The following GLOD5 variants were observed in gnomAD, a reference collection of about 807,000 sequenced individuals.
GLOD5 encodes glyoxalase domain-containing protein 5.
Under a neutral mutation model 9.9 loss-of-function variants are expected in GLOD5, and 7 were observed. That is an observed-to-expected ratio of 0.71 (90% confidence interval 0.40 to 1.33). The LOEUF is 1.33. GLOD5 is among the 40% of genes most tolerant of loss of function. The pLI, the probability that GLOD5 is intolerant of heterozygous loss-of-function variation, is 0.01. For synonymous variants in GLOD5, 49 were observed against 47.3 expected (o/e 1.04, Z -0.14); for missense variants, 146 against 128.4 (o/e 1.14, Z -0.66).
At chrX:48,761,999 C>A (rs2062597517) in intron 1 of GLOD5, 146 bp downstream of exon 1, 1 of 494,480 alleles carries the variant, frequency 2.0e-6, no homozygotes, top group East Asian at 3.7e-5. Context: ...GCAGCAGAGG[C>A]CCATGGAAAG....
intron 1 of GLOD5, among the ~76,000 whole-genome samples, chrX:48,763,668 G>A (rs1602205092): frequency 8.9e-6 from 1 of 111,943 alleles, no homozygotes; most frequent in African/African-American, 3.2e-5. Context: ...GCTCCAGGCT[G>A]GGCAACAAAG....
intron 3 of GLOD5, among the ~76,000 whole-genome samples, chrX:48,771,746 C>A (rs1274557968): frequency 8.9e-6 from 1 of 112,064 alleles, no homozygotes; most frequent in Non-Finnish European, 1.9e-5. Flanking sequence ...AGATTCTAGC[C>A]ACTTCCGTTC....
intron 2 of GLOD5, among the ~76,000 whole-genome samples, chrX:48,770,561 C>A (rs1450596187): frequency 9.0e-6 from 1 of 111,240 alleles, no homozygotes; most frequent in African/African-American, 3.3e-5. Flanking sequence ...GTCCAGCTAA[C>A]GTGGCCTCCG....
intron 3 of GLOD5, among the ~76,000 whole-genome samples, chrX:48,772,589 T>C (rs1557017542): frequency 9.0e-6 from 1 of 110,813 alleles, no homozygotes; most frequent in Non-Finnish European, 1.9e-5. Context: ...AGAACACGGA[T>C]TGAGGTCTTA....
At chrX:48,765,668 C>A in intron 1 of GLOD5, 167 bp from the exon 2 acceptor site, 1 of 543,873 alleles carries the variant, frequency 1.8e-6, no homozygotes, top group Non-Finnish European at 3.3e-6. Flanking sequence ...TGAATCCACA[C>A]ATGGGCAGTA....
chrX:48,762,003 T>A, intron 1 of GLOD5, 150 bp downstream of exon 1: 1 of 486,714 alleles, frequency 2.1e-6, no homozygotes, highest in Admixed American at 3.4e-5. Flanking sequence ...CAGAGGCCCA[T>A]GGAAAGGCCC....
At chrX:48,773,079 T>C (rs2062626621) in intron 3 of GLOD5, among the ~76,000 whole-genome samples, 1 of 109,420 alleles carries the variant, frequency 9.1e-6, no homozygotes, top group African/African-American at 3.3e-5. Flanking sequence ...CTATGAAAAA[T>C]AGCTGGGCAT....
chrX:48,772,296 GA>G (rs782283205), intron 3 of GLOD5, among the ~76,000 whole-genome samples: 54 of 110,882 alleles, frequency 4.9e-4, no homozygotes, highest in African/African-American at 1.6e-3. Flanking sequence ...AGTGCTTTAG[GA>G]GGCCAAGGAG....
chrX:48,765,891 C>T lies in GLOD5; in HGVS notation c.120C>T (p.His40=). The change falls in exon 2 of 4, where the codon CAC becomes CAT. Residue 40 remains histidine (H), a synonymous_variant. Coordinates refer to ENST00000303227, the MANE Select transcript of GLOD5 (RefSeq NM_001080489.3). ...PPPCLIRRLD[H]IVMTVKSIKD... is the part of the protein sequence containing the mutation. ...CATGTCTTATCCGTAGACTTGACCACATCGTGATGACGGTGAAGAGCATCA... is the reference window on the plus strand; with the variant it reads ...CATGTCTTATCCGTAGACTTGACCATATCGTGATGACGGTGAAGAGCATCA... 1.7e-6 allele frequency: 2 copies of T among 1,201,864 alleles called. No homozygotes were observed. The highest frequency in any genetic ancestry group is 2.3e-4 in the Middle Eastern group (1 of 4,327).
chrX:48,771,042 T>A lies in GLOD5; in HGVS notation c.317T>A (p.Ile106Asn). ...CCTGGCTCCCTGGACATATGTCTGA[T>A]CACAGAGGTGCCTTTGGAGGAAATG... ...PVPGSLDICLITEVPLEEMIQ... is the reference protein window; with the variant it reads ...PVPGSLDICLNTEVPLEEMIQ... Residue 106 changes from isoleucine to asparagine, a missense_variant, in exon 3 of 4, where the codon ATC becomes AAC. By Grantham distance (149) the Ile-to-Asn change is moderately radical. Transcript: ENST00000303227. 4 of 1,197,502 alleles carry A rather than the reference T, an allele frequency of 3.3e-6. No individual in the cohort carries two copies. The highest frequency in any genetic ancestry group is 4.5e-6 in the Non-Finnish European group (4 of 889,845).
At chrX:48,765,042 C>T (rs1266390300) in intron 1 of GLOD5, among the ~76,000 whole-genome samples, 1 of 110,894 alleles carries the variant, frequency 9.0e-6, no homozygotes, top group Non-Finnish European at 1.9e-5. Flanking sequence ...TCTGTAAACA[C>T]GCACGCCCAG....
At chrX:48,770,428 T>C (rs140963182) in intron 2 of GLOD5, among the ~76,000 whole-genome samples, 3,596 of 111,468 alleles carry the variant, frequency 0.032, 69 homozygotes, top group Middle Eastern at 0.088. Flanking sequence ...CAGAGGTAGT[T>C]AGTCAGGTCA....
At chrX:48,764,019 G>A (rs184059061) in intron 1 of GLOD5, among the ~76,000 whole-genome samples, 10 of 112,787 alleles carry the variant, frequency 8.9e-5, no homozygotes, top group Non-Finnish European at 1.9e-4. Flanking sequence ...CAATGGAATC[G>A]AATCGAACAG....
At chrX:48,772,124 C>G (rs1277477213) in intron 3 of GLOD5, among the ~76,000 whole-genome samples, 1 of 110,238 alleles carries the variant, frequency 9.1e-6, no homozygotes, top group Non-Finnish European at 1.9e-5. Flanking sequence ...GTAATCCTAG[C>G]TATTCAAGAG....
At chrX:48,771,974 C>T (rs61244100) in intron 3 of GLOD5, among the ~76,000 whole-genome samples, 1,287 of 111,646 alleles carry the variant, frequency 0.012, 23 homozygotes, top group African/African-American at 0.039. Context: ...CGGTCACTCA[C>T]GCCTGTAATC....
intron 2 of GLOD5, among the ~76,000 whole-genome samples, chrX:48,766,874 C>T (rs181601517): frequency 1.5e-4 from 15 of 99,504 alleles, no homozygotes; most frequent in African/African-American, 3.3e-4. Flanking sequence ...GGGGAGTGGC[C>T]GGGCACAGTG....
In GLOD5 at chrX:48,773,467, T is replaced by A. The variant is rs2062628427; in HGVS notation, c.*32T>A. 1.7e-6 allele frequency: 2 copies of A among 1,194,002 alleles called. No individual in the cohort carries two copies. The highest frequency in any genetic ancestry group is 2.3e-6 in the Non-Finnish European group (2 of 885,063). On this transcript the variant is annotated 3_prime_UTR_variant, in exon 4 of 4. Coordinates refer to ENST00000303227, the MANE Select transcript of GLOD5 (RefSeq NM_001080489.3). ...CTGGACCTCCTCCATTCTGTCCCCC[T>A]TGATGTCGCCCTCTCCTTTCCTTCC...
At chrX:48,772,026 A>C (rs978992453) in intron 3 of GLOD5, among the ~76,000 whole-genome samples, 4 of 110,702 alleles carry the variant, frequency 3.6e-5, no homozygotes, top group African/African-American at 1.3e-4. Flanking sequence ...CATTTGGGCC[A>C]GGAGTTCCAG....
intron 2 of GLOD5, among the ~76,000 whole-genome samples, chrX:48,766,985 C>CAAAAA (rs782648787): frequency 0.012 from 36 of 3,016 alleles, 9 homozygotes; most frequent in South Asian, 0.05. Flanking sequence ...GATTCCATCT[C>CAAAAA]AAAAAAAAAA....
Sources: allele counts gnomAD v4.1 joint callset (sites outside exome capture counted in the v4.1 genomes callset), GRCh38; gene constraint gnomAD v4.1.1; transcripts MANE v1.5; gene names NCBI Gene and HGNC (gene_info 2026-07-23, HGNC 2026-07-21).